The following DOCK1 variants were observed in gnomAD, a reference collection of about 807,000 sequenced individuals.
DOCK1 encodes dedicator of cytokinesis 1.
A neutral mutation model predicts 262.7 loss-of-function variants in DOCK1; 138 were observed. The ratio of observed to expected loss-of-function variants is 0.53; its 90% CI spans 0.46 to 0.61. The LOEUF is 0.61. DOCK1 is among the 20% of genes least tolerant of loss of function. The probability of loss-of-function intolerance (pLI) is 0.00; values close to 1 mark genes in which losing one functional copy is unlikely to be tolerated. For missense variants in DOCK1, 1,908 were observed against 2,370.7 expected (o/e 0.80, Z 4.05); for synonymous variants, 866 against 867.4 (o/e 1.00, Z 0.03).
chr10:127,109,803 T>C (rs1009117257), intron 24 of DOCK1, among the ~76,000 whole-genome samples: 1 of 152,226 alleles, frequency 6.6e-6, no homozygotes, highest in Non-Finnish European at 1.5e-5. Flanking sequence ...TTCAGTATAA[T>C]GAACAATGCC....
Position 127,398,401 on chromosome 10 carries a change from C to A in DOCK1, c.3928-4654C>A, listed in dbSNP as rs191812773. Among the ~76,000 whole-genome samples the A allele has an allele frequency of 2.0e-4, 30 of 152,286 alleles. No homozygotes were observed. The East Asian group carries it at 5.8e-3, about 30-fold the overall frequency. Reference sequence around the variant, plus strand: ...GGCCCACCTCACCAGGGCCGCCAGCCCCACACCTGGAAGGGATGCTGTCAC... The same window carrying A: ...GGCCCACCTCACCAGGGCCGCCAGCACCACACCTGGAAGGGATGCTGTCAC... On this transcript the variant is annotated intron_variant, in intron 38 of 51. Coordinates refer to ENST00000623213, the MANE Select transcript of DOCK1 (RefSeq NM_001290223.2).
At chr10:127,210,533 G>A (rs985233743) in intron 27 of DOCK1, among the ~76,000 whole-genome samples, 10 of 152,200 alleles carry the variant, frequency 6.6e-5, no homozygotes, top group African/African-American at 2.2e-4. Flanking sequence ...ACCAGGAGCC[G>A]AAGCAGAGGG....
intron 27 of DOCK1, among the ~76,000 whole-genome samples, chr10:127,159,716 C>G (rs1350371535): frequency 6.6e-6 from 1 of 152,046 alleles, no homozygotes; most frequent in Non-Finnish European, 1.5e-5. Context: ...GAGGGCATCA[C>G]GGGTAGACAT....
chr10:127,352,738 A>G (rs1341488616), intron 31 of DOCK1, among the ~76,000 whole-genome samples: 1 of 152,074 alleles, frequency 6.6e-6, no homozygotes, highest in Non-Finnish European at 1.5e-5. Context: ...GATTACAGAC[A>G]TGTGCCACCA....
At position 127,403,041 on chromosome 10, in the gene DOCK1, A is replaced by G. The variant is rs780276446; in HGVS notation, c.3928-14A>G. On this transcript the variant is annotated splice_polypyrimidine_tract_variant and intron_variant, in intron 38 of 51. Transcript: ENST00000623213. ...GCCTCGGCTTCTCTTTCTTTTCTTT[A>G]TTTTAACTCACAGATGTGGGAGGAG... 6.2e-7 allele frequency: 1 copy of G among 1,601,598 alleles called. No homozygotes were observed. Among genetic ancestry groups the G allele is most frequent in the African/African-American group, 1.3e-5 (1 of 74,482 alleles).
intron 1 of DOCK1, among the ~76,000 whole-genome samples, chr10:126,922,273 A>G (rs1439863199): frequency 2.6e-5 from 4 of 151,294 alleles, no homozygotes; most frequent in South Asian, 2.1e-4. Context: ...TGTAAGCTGT[A>G]CAGGAGTCAT....
chr10:127,248,033 C>T lies in DOCK1; in HGVS notation c.2873C>T (p.Ala958Val). ...LIGNFVACMT[A>V]ILRQMEDYHY... ...GGAAACTTCGTGGCTTGCATGACAG[C>T]TATTTTACGACAAATGGAAGATTAC... is the stretch of plus-strand genomic sequence containing the variant. The change falls in exon 28 of 52, where the codon GCT (alanine) becomes GTT (valine). Residue 958 changes from alanine to valine, a missense_variant. Around this residue, in one of 9 missense-constraint regions of DOCK1, gnomAD observed 518 missense variants for 575.1 expected, o/e 0.90. Transcript: ENST00000623213. 1 of 1,613,958 alleles carries T rather than the reference C, an allele frequency of 6.2e-7. No homozygotes were observed. Among genetic ancestry groups the T allele is most frequent in the Non-Finnish European group, 8.5e-7 (1 of 1,179,888 alleles).
intron 25 of DOCK1, among the ~76,000 whole-genome samples, chr10:127,121,055 A>G (rs1373939279): frequency 1.3e-5 from 2 of 152,162 alleles, no homozygotes; most frequent in African/African-American, 4.8e-5. Flanking sequence ...ATACAAAGCA[A>G]AGAGCCAGCA....
chr10:126,912,452 C>T (rs775219075), intron 1 of DOCK1, among the ~76,000 whole-genome samples: 10 of 149,026 alleles, frequency 6.7e-5, no homozygotes, highest in East Asian at 6.1e-4. Flanking sequence ...AGAGACCGGG[C>T]GCGGTGGCTC....
At chr10:127,398,069 A>C (rs570618794) in intron 38 of DOCK1, among the ~76,000 whole-genome samples, 1 of 152,194 alleles carries the variant, frequency 6.6e-6, no homozygotes, top group Non-Finnish European at 1.5e-5. Flanking sequence ...TGGCTGATCC[A>C]TCTTGTGCAC....
chr10:127,311,767 C>G (rs2062070396), intron 29 of DOCK1, among the ~76,000 whole-genome samples: 2 of 152,218 alleles, frequency 1.3e-5, no homozygotes, highest in South Asian at 4.1e-4. Context: ...TCCCCTCTTG[C>G]CTCATCCTCA....
intron 40 of DOCK1, among the ~76,000 whole-genome samples, chr10:127,405,777 G>A (rs949262201): frequency 1.3e-5 from 2 of 150,952 alleles, no homozygotes; most frequent in Non-Finnish European, 3.0e-5. Context: ...TGTCCTGCCT[G>A]GTGACGGAGG....
Position 126,905,436 on chromosome 10 carries a change from C to T in DOCK1, c.-82C>T, listed in dbSNP as rs1033077965. ...CCGCCGCAAACTTTTTCCTCCCCAT[C>T]CTGTCGCGGCTCGAAAGGAATGGAA... On this transcript the variant is annotated 5_prime_UTR_variant, in exon 1 of 52. Transcript: ENST00000623213. The T allele has an allele frequency of 4.1e-5, 18 of 442,886 alleles. No homozygotes were observed. The highest frequency in any genetic ancestry group is 6.2e-5 in the Non-Finnish European group (15 of 240,222). 27.4% of individuals were successfully genotyped at this position (442,886 alleles called of 1,614,324 possible).
chr10:127,223,788 C>G (rs2058530620), intron 27 of DOCK1, among the ~76,000 whole-genome samples: 1 of 152,050 alleles, frequency 6.6e-6, no homozygotes, highest in African/African-American at 2.4e-5. Flanking sequence ...AAGAAGTGGC[C>G]TTTTTAGGCC....
At chr10:127,156,175 C>T (rs182206206) in intron 27 of DOCK1, among the ~76,000 whole-genome samples, 8 of 152,338 alleles carry the variant, frequency 5.3e-5, no homozygotes, top group African/African-American at 1.7e-4. Flanking sequence ...AACATCAACA[C>T]TCCTTCCTTG....
At chr10:126,948,315 TGATGGTGGTG>T (rs2035762147) in intron 1 of DOCK1, among the ~76,000 whole-genome samples, 1 of 6,528 alleles carries the variant, frequency 1.5e-4, no homozygotes, top group African/African-American at 9.5e-4. Context: ...CTGTTGGTGG[TGATGGTGGTG>T]GTTGGTAGTA....
At chr10:127,309,204 T>C (rs1363880151) in intron 29 of DOCK1, among the ~76,000 whole-genome samples, 3 of 152,256 alleles carry the variant, frequency 2.0e-5, no homozygotes, top group African/African-American at 4.8e-5. Context: ...TGAGCTTTTT[T>C]TTTTCACATT....
rs550412672 is a variant in DOCK1, at chr10:127,220,778, T to C, written c.2848-27230T>C. 6.4e-3 allele frequency among the ~76,000 whole-genome samples: 979 copies of C among 152,154 alleles called. 12 individuals are homozygous for C. Among genetic ancestry groups the C allele is most frequent in the African/African-American group, 0.021 (884 of 41,510 alleles). ...TTTAAAGAATTTGCCCTTTTTTTTT[T>C]CCCTTTAATTGATTTTTCCCTCTGT... On this transcript the variant is annotated intron_variant, in intron 27 of 51. Coordinates refer to ENST00000623213, the MANE Select transcript of DOCK1 (RefSeq NM_001290223.2).
chr10:127,188,285 C>A (rs1481043625), intron 27 of DOCK1, among the ~76,000 whole-genome samples: 1 of 152,208 alleles, frequency 6.6e-6, no homozygotes, highest in African/African-American at 2.4e-5. Flanking sequence ...GGATGAAAAT[C>A]CAGGTCTTTC....
Sources: allele counts gnomAD v4.1 joint callset (sites outside exome capture counted in the v4.1 genomes callset), GRCh38; gene constraint gnomAD v4.1.1; regional missense constraint gnomAD v4.1.1; transcripts MANE v1.5; gene names NCBI Gene and HGNC (gene_info 2026-07-23, HGNC 2026-07-21).